Variants in CSMD1 observed in about 807,000 individuals in gnomAD.
CSMD1 encodes CUB and sushi domain-containing protein 1.
Under a neutral mutation model 417.5 loss-of-function variants are expected in CSMD1, and 213 were observed. The ratio of observed to expected loss-of-function variants is 0.51; its 90% CI spans 0.46 to 0.57. The LOEUF (loss-of-function observed/expected upper bound fraction) is 0.57. CSMD1 is among the 20% of genes least tolerant of loss of function. The probability of loss-of-function intolerance (pLI) is 0.00; values close to 1 mark genes in which losing one functional copy is unlikely to be tolerated. For synonymous variants in CSMD1, 2,862 were observed against 1,736.8 expected (o/e 1.65, Z -16.11); for missense variants, 6,923 against 4,529.7 (o/e 1.53, Z -15.17).
intron 3 of CSMD1, among the ~76,000 whole-genome samples, chr8:4,086,156 A>T (rs954925423): frequency 2.0e-5 from 3 of 152,144 alleles, no homozygotes; most frequent in African/African-American, 7.2e-5. Flanking sequence ...AATTTTTTTC[A>T]AAAAGTGCAT....
intron 1 of CSMD1, among the ~76,000 whole-genome samples, chr8:4,799,173 A>G (rs7008223): frequency 6.6e-6 from 1 of 152,046 alleles, no homozygotes; most frequent in African/African-American, 2.4e-5. Context: ...AAGTCACTAC[A>G]TGACAGGCAC....
intron 1 of CSMD1, among the ~76,000 whole-genome samples, chr8:4,894,525 C>T (rs916171303): frequency 6.8e-6 from 1 of 147,928 alleles, no homozygotes; most frequent in African/African-American, 2.5e-5. Context: ...CGCATTCCAG[C>T]CTGGGGACAA....
intron 5 of CSMD1, among the ~76,000 whole-genome samples, chr8:3,811,650 C>A (rs927667488): frequency 1.3e-5 from 2 of 152,084 alleles, no homozygotes; most frequent in South Asian, 4.2e-4. Flanking sequence ...CCATTCCTTG[C>A]CACCATCTAT....
At chr8:3,022,494 G>A (rs1218111159) in intron 51 of CSMD1, among the ~76,000 whole-genome samples, 2 of 152,148 alleles carry the variant, frequency 1.3e-5, no homozygotes, top group Non-Finnish European at 2.9e-5. Context: ...TCTCTTTTTT[G>A]TCTCTCCTTC....
At chr8:3,694,324 G>C (rs1404390144) in intron 7 of CSMD1, among the ~76,000 whole-genome samples, 1 of 152,050 alleles carries the variant, frequency 6.6e-6, no homozygotes, top group Admixed American at 6.5e-5. Context: ...ACAGCAGCAT[G>C]ACTGAGCAGA....
At chr8:4,473,095 C>T (rs1019914244) in intron 2 of CSMD1, among the ~76,000 whole-genome samples, 1 of 152,068 alleles carries the variant, frequency 6.6e-6, no homozygotes, top group African/African-American at 2.4e-5. Flanking sequence ...GTAACATTTT[C>T]TCTACTTGTG....
intron 18 of CSMD1, among the ~76,000 whole-genome samples, chr8:3,380,421 T>A (rs796952726): frequency 2.1e-4 from 32 of 152,292 alleles, no homozygotes; most frequent in African/African-American, 7.7e-4. Flanking sequence ...ATCATTCTAC[T>A]ATGAAGACAT....
chr8:3,583,642 T>C (rs12680424), intron 9 of CSMD1, among the ~76,000 whole-genome samples: 58,162 of 151,592 alleles, frequency 0.38, 11,713 homozygotes, highest in Middle Eastern at 0.46. Flanking sequence ...GGGAGGACTA[T>C]CAAACAAACA....
intron 5 of CSMD1, among the ~76,000 whole-genome samples, chr8:3,832,857 A>G (rs1372854085): frequency 6.6e-6 from 1 of 152,222 alleles, no homozygotes; most frequent in Non-Finnish European, 1.5e-5. Flanking sequence ...ACACGTAGAA[A>G]CATCTATTTG....
chr8:4,567,726 C>T lies in CSMD1; in HGVS notation c.302+69616G>A, dbSNP rs141883145. On this transcript the variant is annotated intron_variant, in intron 2 of 69. Coordinates refer to ENST00000635120, the MANE Select transcript of CSMD1 (RefSeq NM_033225.6). ...GCTGGGCCAATTCCAATGTTACTTA[C>T]TGATATATGCTATCTACATTGCACT... Among the ~76,000 whole-genome samples the T allele has an allele frequency of 2.6e-5, 4 of 152,190 alleles. No individual in the cohort carries two copies. In the East Asian group the frequency reaches 7.7e-4, roughly 29 times the overall value.
intron 3 of CSMD1, among the ~76,000 whole-genome samples, chr8:4,273,788 G>A (rs1484808677): frequency 6.6e-6 from 1 of 152,160 alleles, no homozygotes; most frequent in Admixed American, 6.6e-5. Flanking sequence ...GCTTCTGTCT[G>A]CGTGTATGTC....
chr8:4,936,537 A>G (rs2117215600), intron 1 of CSMD1, among the ~76,000 whole-genome samples: 1 of 152,324 alleles, frequency 6.6e-6, no homozygotes, highest in Non-Finnish European at 1.5e-5. Context: ...CTTCGTGAAT[A>G]AATGTTTGGA....
At chr8:3,914,482 G>C (rs1014381253) in intron 5 of CSMD1, among the ~76,000 whole-genome samples, 1 of 152,178 alleles carries the variant, frequency 6.6e-6, no homozygotes, top group African/African-American at 2.4e-5. Flanking sequence ...TTTTGAGTAA[G>C]GACAGTGTGT....
chr8:4,149,074 C>T (rs909139535), intron 3 of CSMD1, among the ~76,000 whole-genome samples: 1 of 151,962 alleles, frequency 6.6e-6, no homozygotes, highest in Admixed American at 6.5e-5. Flanking sequence ...AGCGATTCTC[C>T]TGCCTCAGCC....
At chr8:3,850,078 G>C (rs1367506073) in intron 5 of CSMD1, among the ~76,000 whole-genome samples, 1 of 152,196 alleles carries the variant, frequency 6.6e-6, no homozygotes, top group Non-Finnish European at 1.5e-5. Flanking sequence ...TTACAGGCAT[G>C]AGCCACTGCA....
intron 5 of CSMD1, among the ~76,000 whole-genome samples, chr8:3,906,855 C>A (rs1404955756): frequency 6.6e-6 from 1 of 152,044 alleles, no homozygotes; most frequent in Non-Finnish European, 1.5e-5. Context: ...TCATTTTGTA[C>A]ATAAAGTAAA....
intron 5 of CSMD1, among the ~76,000 whole-genome samples, chr8:3,833,185 G>T (rs1268707502): frequency 6.6e-6 from 1 of 151,972 alleles, no homozygotes; most frequent in Non-Finnish European, 1.5e-5. Flanking sequence ...ACTTTAATTT[G>T]TCCAAAGAAT....
intron 3 of CSMD1, among the ~76,000 whole-genome samples, chr8:4,393,519 C>T (rs759596021): frequency 6.6e-6 from 1 of 152,162 alleles, no homozygotes; most frequent in African/African-American, 2.4e-5. Flanking sequence ...CTCATACATC[C>T]TAGGCCCAGT....
chr8:4,457,062 C>T (rs550145534), intron 2 of CSMD1, among the ~76,000 whole-genome samples: 1 of 151,612 alleles, frequency 6.6e-6, no homozygotes, highest in East Asian at 1.9e-4. Context: ...AATTAAGCCC[C>T]ATACCAGGTG....
Sources: gnomAD v4.1 joint callset for allele counts (sites outside exome capture counted in the v4.1 genomes callset) on GRCh38, gnomAD v4.1.1 for gene constraint, MANE v1.5 for transcripts, NCBI Gene and HGNC (gene_info 2026-07-23, HGNC 2026-07-21) for gene names.